Variants in NKAIN3 observed in about 807,000 individuals in gnomAD.
NKAIN3 encodes the protein sodium/potassium-transporting ATPase subunit beta-1-interacting protein 3.
NKAIN3 carries 25 observed loss-of-function variants against 30.2 expected under a neutral mutation model. The ratio of observed to expected loss-of-function variants is 0.83; its 90% confidence interval spans 0.60 to 1.16. NKAIN3 has a LOEUF of 1.16. Among genes scored for constraint, NKAIN3 ranks in the 50% most tolerant of loss-of-function variants. The pLI, the probability that NKAIN3 is intolerant of heterozygous loss-of-function variation, is 0.00. For synonymous variants in NKAIN3, 91 were observed against 89.6 expected, an observed-to-expected ratio of 1.02 and a Z score of -0.09; for missense variants, 225 against 254.1, an observed-to-expected ratio of 0.89 and a Z score of 0.78.
At chr8:62,378,438 A>G (rs1476652135) in intron 1 of NKAIN3, among the ~76,000 whole-genome samples, 1 of 152,204 alleles carries the variant, frequency 6.6e-6, no homozygotes, top group Non-Finnish European at 1.5e-5. Context: ...AGACTAGGGG[A>G]AAATGTCTCC....
chr8:62,652,678 T>A (rs1812660213), intron 3 of NKAIN3, among the ~76,000 whole-genome samples: 1 of 152,170 alleles, frequency 6.6e-6, no homozygotes, highest in Non-Finnish European at 1.5e-5. Context: ...CCCTGGCATA[T>A]GATGTGGATG....
At chr8:62,947,471 C>T (rs1823157674) in intron 5 of NKAIN3, among the ~76,000 whole-genome samples, 1 of 152,308 alleles carries the variant, frequency 6.6e-6, no homozygotes, top group East Asian at 1.9e-4. Context: ...TTGGAAGTTA[C>T]TATTAGTGTT....
intron 3 of NKAIN3, among the ~76,000 whole-genome samples, chr8:62,670,354 T>C (rs879610648): frequency 1.3e-5 from 2 of 152,178 alleles, no homozygotes; most frequent in Admixed American, 1.3e-4. Flanking sequence ...CTTTAAGAAA[T>C]TGTTTCTACT....
intron 1 of NKAIN3, among the ~76,000 whole-genome samples, chr8:62,466,755 A>G (rs1007510322): frequency 1.3e-5 from 2 of 152,204 alleles, no homozygotes; most frequent in Admixed American, 1.3e-4. Context: ...AAAGCCTCAT[A>G]TCATGGAGTA....
At chr8:62,746,843 A>G (rs1816086827) in intron 3 of NKAIN3, 89 bp from the exon 4 acceptor site, 1 of 883,704 alleles carries the variant, frequency 1.1e-6, no homozygotes, top group African/African-American at 1.6e-5. Context: ...TAGCAATTTC[A>G]TCTACCCTGA....
chr8:62,429,297 G>C (rs1376763), intron 1 of NKAIN3, among the ~76,000 whole-genome samples: 63,131 of 151,730 alleles, frequency 0.42, 15,149 homozygotes, highest in Non-Finnish European at 0.53. Context: ...CACCCACTTT[G>C]TTGAGAGTTT....
chr8:62,562,703 G>A (rs1293356619), intron 1 of NKAIN3, among the ~76,000 whole-genome samples: 1 of 152,118 alleles, frequency 6.6e-6, no homozygotes, highest in East Asian at 1.9e-4. Context: ...TTTCAAATGA[G>A]AGTCACTTAT....
chr8:62,259,598 G>T (rs560969306), intron 1 of NKAIN3, among the ~76,000 whole-genome samples: 22 of 152,254 alleles, frequency 1.4e-4, no homozygotes, highest in Non-Finnish European at 3.1e-4. Context: ...CATTTTTAAT[G>T]TGATATGTTT....
Position 62,345,388 on chromosome 8 carries a change from TACACAC to T in NKAIN3, c.54+96263_54+96268del, listed in dbSNP as rs1241886831. 9.2e-5 allele frequency among the ~76,000 whole-genome samples: 7 copies of T among 76,324 alleles called. No homozygotes were observed. In the South Asian group the frequency reaches 1.9e-3, roughly 21 times the overall value. The allele number at this position is 76,324 out of a possible 152,430, so 50.1% of individuals were successfully genotyped here. On this transcript the variant is annotated intron_variant, in intron 1 of 6. Transcript: ENST00000623646. The stretch of plus-strand genomic sequence containing the variant: ...GTATATATACACATATATGTATATA[TACACAC>T]ATATACACATATATGTATATATACA...
Position 62,969,261 on chromosome 8 carries a change from A to G in NKAIN3, c.*3854A>G, listed in dbSNP as rs1327586268. ...GAGGCTGGCTCTAACAAAATATACCAAGGCTGTCATCTGTCTCACTTAATG... is the reference window on the plus strand; with the variant it reads ...GAGGCTGGCTCTAACAAAATATACCGAGGCTGTCATCTGTCTCACTTAATG... On this transcript the variant is annotated 3_prime_UTR_variant, in exon 7 of 7. Transcript: ENST00000623646. Among the ~76,000 whole-genome samples, 1 of 152,172 alleles carries G rather than the reference A, an allele frequency of 6.6e-6. No homozygotes were observed. The highest frequency in any genetic ancestry group is 1.5e-5 in the Non-Finnish European group (1 of 68,026).
chr8:62,883,457 G>GTTGTTTTTTTTTT, intron 4 of NKAIN3, among the ~76,000 whole-genome samples: 2,307 of 69,896 alleles, frequency 0.033, 387 homozygotes, highest in African/African-American at 0.11. Flanking sequence ...AGTTTTATGG[G>GTTGTTTTTTTTTT]TTTTTTTTTT....
At chr8:62,912,008 G>A (rs983142754) in intron 4 of NKAIN3, among the ~76,000 whole-genome samples, 17 of 152,114 alleles carry the variant, frequency 1.1e-4, no homozygotes, top group African/African-American at 4.1e-4. Flanking sequence ...TCTGAGAAAT[G>A]CGGCCTTAGG....
intron 4 of NKAIN3, among the ~76,000 whole-genome samples, chr8:62,888,102 A>G (rs1412987688): frequency 6.6e-6 from 1 of 152,208 alleles, no homozygotes; most frequent in Non-Finnish European, 1.5e-5. Context: ...ACCTTCACAA[A>G]TAAGTCTTAG....
chr8:62,798,357 G>A (rs1400683585), intron 4 of NKAIN3, among the ~76,000 whole-genome samples: 1 of 152,118 alleles, frequency 6.6e-6, no homozygotes, highest in Non-Finnish European at 1.5e-5. Flanking sequence ...GGATCATGAG[G>A]TCAGGAGATC....
chr8:62,318,649 A>G lies in NKAIN3; in HGVS notation c.54+69522A>G, dbSNP rs190444008. 4.7e-3 allele frequency among the ~76,000 whole-genome samples: 713 copies of G among 152,240 alleles called. 8 individuals are homozygous for G. The highest frequency in any genetic ancestry group is 0.017 in the African/African-American group (689 of 41,514). ...CTGTATTACGTTTATTGATTTGCAT[A>G]TGTTGAACCAGACTTGCATCCCAGG... On this transcript the variant is annotated intron_variant, in intron 1 of 6. Coordinates refer to ENST00000623646, the MANE Select transcript of NKAIN3 (RefSeq NM_001304533.3).
At chr8:62,298,399 C>T (rs1177098461) in intron 1 of NKAIN3, among the ~76,000 whole-genome samples, 1 of 152,022 alleles carries the variant, frequency 6.6e-6, no homozygotes, top group South Asian at 2.1e-4. Context: ...TCAAACCTAC[C>T]AACTACTTCC....
intron 4 of NKAIN3, among the ~76,000 whole-genome samples, chr8:62,784,728 T>C (rs958384454): frequency 1.3e-5 from 2 of 152,112 alleles, no homozygotes; most frequent in Non-Finnish European, 2.9e-5. Context: ...CTTCAGAAAA[T>C]AGAGCATGAA....
At chr8:62,758,469 G>GT (rs1296723706) in intron 4 of NKAIN3, among the ~76,000 whole-genome samples, 1 of 152,080 alleles carries the variant, frequency 6.6e-6, no homozygotes, top group Non-Finnish European at 1.5e-5. Context: ...CAAATTTTTG[G>GT]TAAGTCTGAA....
At chr8:62,784,932 G>T (rs1241243992) in intron 4 of NKAIN3, among the ~76,000 whole-genome samples, 1 of 152,110 alleles carries the variant, frequency 6.6e-6, no homozygotes, top group African/African-American at 2.4e-5. Flanking sequence ...CACTAATTGG[G>T]CTATGATTTA....
Sources: allele counts gnomAD v4.1 joint callset (sites outside exome capture counted in the v4.1 genomes callset), GRCh38; gene constraint gnomAD v4.1.1; transcripts MANE v1.5; gene names NCBI Gene and HGNC (gene_info 2026-07-23, HGNC 2026-07-21).